METTL8: variants seen among roughly 807,000 people sequenced by gnomAD.
METTL8 encodes the protein methyltransferase 8, tRNA N3-cytidine.
METTL8 carries 32 observed loss-of-function variants against 48.7 expected under a neutral mutation model. The observed-to-expected ratio is 0.66, with a 90% confidence interval of 0.50 to 0.88. The LOEUF is 0.88. Ranked by LOEUF, METTL8 falls within the 40% of genes least tolerant of loss-of-function variation. METTL8 has a pLI of 0.00. For synonymous variants in METTL8, 136 were observed against 157.1 expected, an observed-to-expected ratio of 0.87 and a Z score of 1.01; for missense variants, 464 against 474.4, an observed-to-expected ratio of 0.98 and a Z score of 0.20.
chr2:171,406,894 A>G (rs563978981), intron 1 of METTL8, among the ~76,000 whole-genome samples: 64 of 152,092 alleles, frequency 4.2e-4, no homozygotes, highest in South Asian at 1.2e-3. Context: ...TCGAGCCAAT[A>G]CATTTCTTAA....
At chr2:171,331,917 G>T in intron 5 of METTL8, 50 bp from the exon 6 acceptor site, 1 of 1,376,876 alleles carries the variant, frequency 7.3e-7, no homozygotes, top group Non-Finnish European at 1.0e-6. Flanking sequence ...ACAGGGTCTT[G>T]CGCTGTTGCC....
intron 3 of METTL8, among the ~76,000 whole-genome samples, chr2:171,346,320 T>G (rs1199159681): frequency 6.6e-6 from 1 of 152,146 alleles, no homozygotes; most frequent in Admixed American, 6.6e-5. Context: ...AGCCACCACA[T>G]CCGGTCCCAG....
At chr2:171,336,312 G>A (rs1192093957) in intron 5 of METTL8, among the ~76,000 whole-genome samples, 2 of 150,130 alleles carry the variant, frequency 1.3e-5, no homozygotes, top group East Asian at 3.9e-4. Context: ...GGCCAGGCTG[G>A]TCTCGAACTC....
At chr2:171,347,528 T>G (rs139274820) in intron 3 of METTL8, among the ~76,000 whole-genome samples, 1 of 152,094 alleles carries the variant, frequency 6.6e-6, no homozygotes, top group African/African-American at 2.4e-5. Context: ...ATATTCAAAA[T>G]AGGGCAAAAA....
At chr2:171,339,924 C>T (rs915753636) in intron 3 of METTL8, among the ~76,000 whole-genome samples, 1 of 152,156 alleles carries the variant, frequency 6.6e-6, no homozygotes, top group Non-Finnish European at 1.5e-5. Context: ...AAGGTCCAGG[C>T]GCGGTGGCTC....
At chr2:171,370,154 TAAAC>T (rs986883977) in intron 2 of METTL8, among the ~76,000 whole-genome samples, 3 of 151,900 alleles carry the variant, frequency 2.0e-5, no homozygotes, top group Non-Finnish European at 2.9e-5. Context: ...AATTAAAAAA[TAAAC>T]AGACAACCAA....
chr2:171,339,995 G>A (rs1397049377), intron 3 of METTL8, among the ~76,000 whole-genome samples: 2 of 150,752 alleles, frequency 1.3e-5, no homozygotes, highest in Non-Finnish European at 3.0e-5. Context: ...TCAGGAGTTC[G>A]AGACCAGCCT....
intron 2 of METTL8, among the ~76,000 whole-genome samples, chr2:171,372,860 T>C (rs573840454): frequency 6.0e-4 from 92 of 152,324 alleles, no homozygotes; most frequent in Non-Finnish European, 1.2e-3. Context: ...ATATATGCCA[T>C]ATTTTCTTCA....
rs535162010 is a variant in METTL8, at chr2:171,359,487, A to AT, written c.235+934dup. On this transcript the variant is annotated intron_variant, in intron 3 of 9. Coordinates refer to ENST00000375258, the MANE Select transcript of METTL8 (RefSeq NM_001321154.2). ...TCAAAGAAGTAAAAATAGAACTACC[A>AT]TATCATCCACCAATGCCACTACTGG... Among the ~76,000 whole-genome samples the AT allele has an allele frequency of 4.5e-3, 679 of 152,306 alleles. 5 individuals carry two copies. The highest frequency in any genetic ancestry group is 6.8e-3 in the Middle Eastern group (2 of 294).
At chr2:171,324,800 G>T (rs554872154) in intron 9 of METTL8, among the ~76,000 whole-genome samples, 1 of 152,244 alleles carries the variant, frequency 6.6e-6, no homozygotes, top group African/African-American at 2.4e-5. Context: ...GGTGGCTCAC[G>T]CCTGTAATCC....
intron 1 of METTL8, among the ~76,000 whole-genome samples, chr2:171,403,877 T>C (rs1461994131): frequency 6.6e-6 from 1 of 150,768 alleles, no homozygotes; most frequent in Non-Finnish European, 1.5e-5. Context: ...AATTAAGCAG[T>C]TTGAATATTT....
At chr2:171,330,739 T>C (rs1178846475) in intron 6 of METTL8, 41 bp from the exon 7 acceptor site, 2 of 1,524,234 alleles carry the variant, frequency 1.3e-6, no homozygotes, top group Non-Finnish European at 1.8e-6. Flanking sequence ...GAGGACTTAG[T>C]AGACTTCCGG....
intron 3 of METTL8, among the ~76,000 whole-genome samples, 187 bp downstream of exon 3, chr2:171,360,235 C>G (rs1685019206): frequency 1.3e-5 from 2 of 152,134 alleles, no homozygotes; most frequent in South Asian, 4.1e-4. Context: ...CTCAAAGACC[C>G]AATTATAGGG....
intron 1 of METTL8, among the ~76,000 whole-genome samples, chr2:171,402,714 A>G (rs1033855066): frequency 6.6e-6 from 1 of 152,134 alleles, no homozygotes; most frequent in African/African-American, 2.4e-5. Flanking sequence ...GTTTCTAACC[A>G]TTCTCTAATA....
chr2:171,399,594 G>A (rs1392150231), intron 1 of METTL8, among the ~76,000 whole-genome samples: 1 of 152,036 alleles, frequency 6.6e-6, no homozygotes, highest in East Asian at 1.9e-4. Flanking sequence ...TACAAATTTT[G>A]GCTAGATGCT....
chr2:171,385,986 C>T (rs1052432566), intron 2 of METTL8, among the ~76,000 whole-genome samples: 1 of 152,190 alleles, frequency 6.6e-6, no homozygotes, highest in Non-Finnish European at 1.5e-5. Flanking sequence ...TTAGAAATTC[C>T]TGGGCCATAC....
At chr2:171,399,090 C>T (rs1257226108) in intron 1 of METTL8, among the ~76,000 whole-genome samples, 1 of 152,138 alleles carries the variant, frequency 6.6e-6, no homozygotes. Flanking sequence ...CCATTTTCAG[C>T]TCACCATCCT....
intron 2 of METTL8, among the ~76,000 whole-genome samples, chr2:171,389,553 A>G (rs999284979): frequency 6.8e-6 from 1 of 147,782 alleles, no homozygotes; most frequent in Non-Finnish European, 1.5e-5. Context: ...ATGCTGCTCC[A>G]GTGAATACAT....
At position 171,352,165 on chromosome 2, in the gene METTL8, CA is replaced by C. The variant is rs1167075053; in HGVS notation, c.235+8256del. On this transcript the variant is annotated intron_variant, in intron 3 of 9. Coordinates refer to ENST00000375258, the MANE Select transcript of METTL8 (RefSeq NM_001321154.2). ...CCTAATTTATTGAGAGTTGTTTTAG[CA>C]AGAAGGGCTGTTGAATTTTGTTGAA... Among the ~76,000 whole-genome samples the C allele has an allele frequency of 3.8e-4, 58 of 152,312 alleles. 2 individuals are homozygous for C. The highest frequency in any genetic ancestry group is 1.3e-3 in the African/African-American group (54 of 41,566).
Sources: allele counts gnomAD v4.1 joint callset (sites outside exome capture counted in the v4.1 genomes callset), GRCh38; gene constraint gnomAD v4.1.1; transcripts MANE v1.5; gene names NCBI Gene and HGNC (gene_info 2026-07-23, HGNC 2026-07-21).